Variants in NAV3 observed in about 807,000 individuals in gnomAD.
The protein encoded by NAV3 is neuron navigator 3.
A neutral mutation model predicts 244.7 loss-of-function variants in NAV3; 87 were observed. The ratio of observed to expected loss-of-function variants is 0.36; its 90% CI spans 0.30 to 0.42. NAV3 has a LOEUF of 0.42. Among genes scored for constraint, NAV3 ranks in the 20% least tolerant of loss-of-function variants. NAV3 has a pLI of 1.00. For missense variants in NAV3, 2,663 were observed against 2,893.3 expected, an observed-to-expected ratio of 0.92 and a Z score of 1.83; for synonymous variants, 1,126 against 1,042.2, an observed-to-expected ratio of 1.08 and a Z score of -1.55.
At chr12:78,189,932 T>G in intron 33 of NAV3, 52 bp from the exon 34 acceptor site, 2 of 1,360,268 alleles carry the variant, frequency 1.5e-6, no homozygotes, top group Non-Finnish European at 2.1e-6. Context: ...TATTTTAAAT[T>G]CTAGCTTATG....
At chr12:77,996,178 T>C (rs182346863) in intron 6 of NAV3, among the ~76,000 whole-genome samples, 103 of 152,354 alleles carry the variant, frequency 6.8e-4, no homozygotes, top group African/African-American at 2.3e-3. Flanking sequence ...AATTTGTTTA[T>C]GTGTGTGAGT....
At chr12:77,747,897 G>T (rs544945719) in intron 2 of NAV3, among the ~76,000 whole-genome samples, 38 of 152,242 alleles carry the variant, frequency 2.5e-4, no homozygotes, top group Non-Finnish European at 4.3e-4. Flanking sequence ...GTTGGGGGAT[G>T]GGGGAGGGAT....
chr12:77,877,801 G>A (rs1367322254), intron 1 of NAV3, among the ~76,000 whole-genome samples: 2 of 152,118 alleles, frequency 1.3e-5, no homozygotes. Context: ...GTGGGGGTGG[G>A]AAGGAGGAGG....
At chr12:77,935,840 GAA>G (rs1299521527) in intron 1 of NAV3, among the ~76,000 whole-genome samples, 1 of 152,164 alleles carries the variant, frequency 6.6e-6, no homozygotes, top group African/African-American at 2.4e-5. Context: ...GGAGCCAGAG[GAA>G]GAGAGAGAGC....
intron 9 of NAV3, among the ~76,000 whole-genome samples, chr12:78,027,175 C>G (rs1167388695): frequency 1.3e-5 from 2 of 151,944 alleles, no homozygotes; most frequent in African/African-American, 4.8e-5. Flanking sequence ...GTGGCTCATA[C>G]CTGGAATAGC....
At chr12:77,875,409 T>G (rs1881703642) in intron 1 of NAV3, among the ~76,000 whole-genome samples, 1 of 152,084 alleles carries the variant, frequency 6.6e-6, no homozygotes, top group Non-Finnish European at 1.5e-5. Flanking sequence ...ATTATCTTGC[T>G]TCAATGTTCT....
intron 1 of NAV3, among the ~76,000 whole-genome samples, chr12:77,843,965 A>T (rs1876169380): frequency 6.6e-6 from 1 of 152,252 alleles, no homozygotes; most frequent in African/African-American, 2.4e-5. Flanking sequence ...AGGCCGATAC[A>T]TAAAATTTTT....
intron 2 of NAV3, among the ~76,000 whole-genome samples, chr12:77,940,813 G>C (rs1889797071): frequency 6.6e-6 from 1 of 152,120 alleles, no homozygotes; most frequent in East Asian, 1.9e-4. Flanking sequence ...ATTGTGAAAG[G>C]TTTCATGTCA....
intron 39 of NAV3, among the ~76,000 whole-genome samples, chr12:78,209,699 C>T (rs1960702128): frequency 6.6e-6 from 1 of 152,176 alleles, no homozygotes; most frequent in South Asian, 2.1e-4. Flanking sequence ...CTAGAACAAA[C>T]ATTACCATTC....
chr12:77,973,981 AAG>A (rs1893235527), intron 5 of NAV3, among the ~76,000 whole-genome samples: 1 of 152,022 alleles, frequency 6.6e-6, no homozygotes, highest in African/African-American at 2.4e-5. Context: ...ATTGAAGAGA[AAG>A]AAGTTATTCT....
chr12:77,741,148 C>CAAAAAAAAAAAAAAAAAAAAAAAAAA, intron 2 of NAV3, among the ~76,000 whole-genome samples: 45 of 68,648 alleles, frequency 6.6e-4, no homozygotes, highest in East Asian at 9.1e-4. Context: ...AAAAAAAAGA[C>CAAAAAAAAAAAAAAAAAAAAAAAAAA]AAAAAAAAAA....
chr12:77,796,731 T>C (rs949501436), intron 2 of NAV3, among the ~76,000 whole-genome samples: 4 of 152,232 alleles, frequency 2.6e-5, no homozygotes, highest in African/African-American at 7.2e-5. Context: ...CCTTTGCTGA[T>C]CAGTCAGTGG....
chr12:77,969,423 G>T (rs1376817686), intron 5 of NAV3, among the ~76,000 whole-genome samples: 1 of 152,140 alleles, frequency 6.6e-6, no homozygotes, highest in African/African-American at 2.4e-5. Context: ...TGAGCATACT[G>T]GTTAGGCAAG....
At chr12:78,185,807 G>T in intron 31 of NAV3, 109 bp downstream of exon 31, 2 of 903,540 alleles carry the variant, frequency 2.2e-6, no homozygotes, top group Non-Finnish European at 1.7e-6. Context: ...AACAATTGTG[G>T]ATTGGCATTA....
intron 22 of NAV3, 69 bp downstream of exon 22, chr12:78,148,988 A>C: frequency 1.5e-6 from 2 of 1,294,124 alleles, no homozygotes; most frequent in Non-Finnish European, 2.2e-6. Flanking sequence ...CATTTTAGTA[A>C]CAAACTTACA....
chr12:78,152,448 T>G (rs2139288884), intron 22 of NAV3, among the ~76,000 whole-genome samples: 1 of 151,858 alleles, frequency 6.6e-6, no homozygotes, highest in East Asian at 1.9e-4. Flanking sequence ...AAATAATCAT[T>G]TTTACATATC....
chr12:77,881,250 A>G (rs1346326093), intron 1 of NAV3, among the ~76,000 whole-genome samples: 1 of 152,176 alleles, frequency 6.6e-6, no homozygotes, highest in Non-Finnish European at 1.5e-5. Context: ...CTTAGACCTT[A>G]GGAACTGTTT....
At chr12:78,189,890 A>G (rs943450500) in intron 33 of NAV3, 94 bp from the exon 34 acceptor site, 7 of 898,216 alleles carry the variant, frequency 7.8e-6, no homozygotes, top group East Asian at 5.1e-5. Context: ...CTCTATTCCT[A>G]TGACTAACAA....
At chr12:77,661,428 T>A (rs1194932697) in intron 2 of NAV3, among the ~76,000 whole-genome samples, 1 of 152,074 alleles carries the variant, frequency 6.6e-6, no homozygotes, top group African/African-American at 2.4e-5. Context: ...GTTGAAAGAG[T>A]TATTGATATA....
Sources: gnomAD v4.1 joint callset for allele counts (sites outside exome capture counted in the v4.1 genomes callset) on GRCh38, gnomAD v4.1.1 for gene constraint, MANE v1.5 for transcripts, NCBI Gene and HGNC (gene_info 2026-07-23, HGNC 2026-07-21) for gene names.